Variants in PRPF18 observed in about 807,000 individuals in gnomAD.
PRPF18 encodes the protein pre-mRNA processing factor 18.
In PRPF18, 38 loss-of-function variants were observed where a neutral mutation model predicts 46.5. That is an observed-to-expected ratio of 0.82 (90% CI 0.63 to 1.07). The LOEUF (loss-of-function observed/expected upper bound fraction) is 1.07, where lower values mean the gene tolerates loss of function less well. Ranked by LOEUF, PRPF18 falls within the 50% of genes least tolerant of loss-of-function variation. PRPF18 has a pLI of 0.00. For synonymous variants in PRPF18, 152 were observed against 146.7 expected, an observed-to-expected ratio of 1.04 and a Z score of -0.26; for missense variants, 263 against 410.0, an observed-to-expected ratio of 0.64 and a Z score of 3.10.
chr10:13,654,103 A>G, the PRPF18 span: 12,774 of 524,260 alleles, frequency 0.024, 744 homozygotes, highest in African/African-American at 0.15. Context: ...AGTATAATCC[A>G]AACCGAAATG....
intron 1 of PRPF18, 115 bp from the exon 2 acceptor site, chr10:13,597,343 C>A: frequency 1.5e-6 from 1 of 685,628 alleles, no homozygotes; most frequent in East Asian, 2.9e-5. Flanking sequence ...TTATTTTATC[C>A]AATTCTTGAA....
chr10:13,628,363 G>T (rs544033568), intron 9 of PRPF18, among the ~76,000 whole-genome samples: 3 of 152,268 alleles, frequency 2.0e-5, no homozygotes, highest in Admixed American at 2.0e-4. Flanking sequence ...TCAGGGATTG[G>T]TTCCAGGACC....
intron 1 of PRPF18, chr10:13,592,071 T>G: frequency 1.7e-6 from 1 of 578,366 alleles, no homozygotes; most frequent in South Asian, 1.7e-5. Context: ...TGCAAGAACC[T>G]TCTTTTTCTT....
In PRPF18 at chr10:13,610,081, C is replaced by T; in HGVS notation, c.406C>T (p.Gln136Ter). ...GAAAGCAGCCTTGGATAAGATTGATCAGCAGTACCTCAATGAAATCGTCGG... is the reference window on the plus strand; with the variant it reads ...GAAAGCAGCCTTGGATAAGATTGATTAGCAGTACCTCAATGAAATCGTCGG... ...DLKAALDKIDQQYLNEIVGGQ... is the reference protein window; with the variant it reads ...DLKAALDKID Residue 136 changes from glutamine (Q) to a stop codon, truncating the protein, a stop_gained, in exon 5 of 10, where the codon CAG becomes TAG. Transcript: ENST00000378572. LOFTEE classifies it high-confidence loss of function. 1 of 1,613,352 alleles carries T rather than the reference C, an allele frequency of 6.2e-7. No homozygotes were observed.
chr10:13,602,709 G>C (rs7089009), intron 3 of PRPF18, among the ~76,000 whole-genome samples: 1 of 151,764 alleles, frequency 6.6e-6, no homozygotes, highest in Non-Finnish European at 1.5e-5. Flanking sequence ...GAAATTTCAC[G>C]TCACTTACAT....
chr10:13,600,146 T>A, intron 2 of PRPF18, 98 bp from the exon 3 acceptor site: 1 of 950,154 alleles, frequency 1.1e-6, no homozygotes, highest in Non-Finnish European at 1.5e-6. Flanking sequence ...ATCTTCAGTG[T>A]TGAAAACATG....
At chr10:13,631,898 G>A (rs2080593094), downstream of PRPF18, 1 of 152,370 alleles carries the variant, frequency 6.6e-6, no homozygotes, top group South Asian at 2.1e-4. Context: ...TCAAAAGCCA[G>A]TTTTGGCCAC....
chr10:13,630,086 G>T (rs2080573506), intron 9 of PRPF18, among the ~76,000 whole-genome samples, 174 bp from the exon 10 acceptor site: 1 of 152,172 alleles, frequency 6.6e-6, no homozygotes, highest in South Asian at 2.1e-4. Flanking sequence ...GAACATTCTT[G>T]TGTGGACCTG....
chr10:13,594,182 C>T (rs541137933), intron 1 of PRPF18, among the ~76,000 whole-genome samples: 1 of 152,000 alleles, frequency 6.6e-6, no homozygotes, highest in Non-Finnish European at 1.5e-5. Flanking sequence ...AATAATAAAC[C>T]CATAGTATGC....
At chr10:13,617,957 A>C (rs1278289041) in intron 9 of PRPF18, among the ~76,000 whole-genome samples, 1 of 152,202 alleles carries the variant, frequency 6.6e-6, no homozygotes, top group Non-Finnish European at 1.5e-5. Context: ...GGATAGGGCA[A>C]ATCAGGCTGG....
At position 13,603,313 on chromosome 10, in the gene PRPF18, G is replaced by C. The variant is rs895674229; in HGVS notation, c.250-2318G>C. Reference sequence around the variant, plus strand: ...TGGGGGAGGTGGTGGTGGTGGTGGTGGTGGTGGTATATTTCAGCTTCTTTA... The same window carrying C: ...TGGGGGAGGTGGTGGTGGTGGTGGTCGTGGTGGTATATTTCAGCTTCTTTA... On this transcript the variant is annotated intron_variant, in intron 3 of 9. Coordinates refer to ENST00000378572, the MANE Select transcript of PRPF18 (RefSeq NM_003675.4). Among the ~76,000 whole-genome samples, 3 of 152,006 alleles carry C rather than the reference G, an allele frequency of 2.0e-5. No homozygotes were observed. In the South Asian group the frequency reaches 6.2e-4, roughly 32 times the overall value.
intron 9 of PRPF18, among the ~76,000 whole-genome samples, chr10:13,623,354 G>A (rs537429139): frequency 6.6e-6 from 1 of 152,152 alleles, no homozygotes; most frequent in Non-Finnish European, 1.5e-5. Context: ...CATTCCTATA[G>A]TATGAAGTTA....
intron 9 of PRPF18, among the ~76,000 whole-genome samples, chr10:13,627,744 T>C (rs767744039): frequency 1.3e-5 from 2 of 152,232 alleles, no homozygotes; most frequent in African/African-American, 2.4e-5. Flanking sequence ...AATCATAGAA[T>C]CTGCTTAGTG....
chr10:13,635,542 A>T (rs1235553903), downstream of PRPF18, among the ~76,000 whole-genome samples: 2 of 152,190 alleles, frequency 1.3e-5, no homozygotes, highest in Non-Finnish European at 2.9e-5. Context: ...TTTTCTCTAC[A>T]ACCTCACCAG....
chr10:13,596,000 C>T (rs1397421520), intron 1 of PRPF18, among the ~76,000 whole-genome samples: 1 of 152,230 alleles, frequency 6.6e-6, no homozygotes, highest in East Asian at 1.9e-4. Context: ...AGATACTCTT[C>T]TCACATTCGT....
chr10:13,614,124 A>G, intron 8 of PRPF18, 38 bp downstream of exon 8: 1 of 1,427,276 alleles, frequency 7.0e-7, no homozygotes, highest in Non-Finnish European at 9.6e-7. Flanking sequence ...TGTTAAGAGT[A>G]TATCTAGGTT....
At chr10:13,623,308 C>A (rs1181241319) in intron 9 of PRPF18, among the ~76,000 whole-genome samples, 13 of 152,108 alleles carry the variant, frequency 8.5e-5, no homozygotes. Flanking sequence ...TTACTAAGTA[C>A]ACATTTTTTG....
intron 4 of PRPF18, among the ~76,000 whole-genome samples, chr10:13,608,663 T>C (rs747793213): frequency 2.8e-4 from 43 of 152,234 alleles, no homozygotes; most frequent in Non-Finnish European, 4.3e-4. Flanking sequence ...CTTCTCCATG[T>C]GCCTATGAGT....
At chr10:13,629,468 C>T (rs1025232588) in intron 9 of PRPF18, among the ~76,000 whole-genome samples, 18 of 152,168 alleles carry the variant, frequency 1.2e-4, no homozygotes, top group African/African-American at 4.3e-4. Context: ...AGTTTAAGAA[C>T]TAGAACATTC....
Sources: allele counts gnomAD v4.1 joint callset (sites outside exome capture counted in the v4.1 genomes callset), GRCh38; gene constraint gnomAD v4.1.1; transcripts MANE v1.5; gene names NCBI Gene and HGNC (gene_info 2026-07-23, HGNC 2026-07-21).